The following NAV2 variants were observed in gnomAD, a reference collection of about 807,000 sequenced individuals.
NAV2 encodes neuron navigator 2, also known as helicase, APC down-regulated 1.
Under a neutral mutation model 223.2 loss-of-function variants are expected in NAV2, and 54 were observed. The ratio of observed to expected loss-of-function variants is 0.24; its 90% confidence interval spans 0.19 to 0.30. The LOEUF is 0.30. Ranked by LOEUF, NAV2 falls within the 10% of genes least tolerant of loss-of-function variation. The probability of loss-of-function intolerance (pLI) is 1.00; values close to 1 mark genes in which losing one functional copy is unlikely to be tolerated. For missense variants in NAV2, 2,806 were observed against 3,147.5 expected, an observed-to-expected ratio of 0.89 and a Z score of 2.60; for synonymous variants, 1,279 against 1,239.3, an observed-to-expected ratio of 1.03 and a Z score of -0.67.
intron 1 of NAV2, among the ~76,000 whole-genome samples, chr11:19,535,522 T>A (rs1001016992): frequency 2.0e-5 from 3 of 152,242 alleles, no homozygotes; most frequent in Non-Finnish European, 4.4e-5. Flanking sequence ...CCGGGTGATA[T>A]ACTTTTAATT....
chr11:20,022,298 T>C (rs952457141), intron 11 of NAV2, among the ~76,000 whole-genome samples: 1 of 152,350 alleles, frequency 6.6e-6, no homozygotes, highest in African/African-American at 2.4e-5. Context: ...GATTAGTCCA[T>C]GCAACCCCTT....
chr11:19,814,072 T>C (rs1050637455), intron 1 of NAV2, among the ~76,000 whole-genome samples: 2 of 152,164 alleles, frequency 1.3e-5, no homozygotes, highest in African/African-American at 2.4e-5. Flanking sequence ...GGGTGAGGGC[T>C]GGGTGGTGTA....
Position 20,068,408 on chromosome 11 carries a change from G to A in NAV2, c.4983+10G>A, listed in dbSNP as rs2059183862. 6.2e-7 allele frequency: 1 copy of A among 1,608,402 alleles called. No homozygotes were observed. Among genetic ancestry groups the A allele is most frequent in the Non-Finnish European group, 8.5e-7 (1 of 1,175,042 alleles). ...CCAGCTGACAGCAAATGTAAGTACAGACATAGGGCAGTAGCATCGGGACAG... is the reference window on the plus strand; with the variant it reads ...CCAGCTGACAGCAAATGTAAGTACAAACATAGGGCAGTAGCATCGGGACAG... On this transcript the variant is annotated intron_variant, in intron 22 of 37. Transcript: ENST00000349880.
rs558940894 is a variant in NAV2 at position 19,837,559 on chromosome 11, G to C, written c.385+4958G>C. Among the ~76,000 whole-genome samples the C allele has an allele frequency of 1.9e-4, 29 of 152,268 alleles. 1 individual carries two copies. The South Asian group carries it at 6.0e-3, about 32-fold the overall frequency. On this transcript the variant is annotated intron_variant, in intron 2 of 37. Transcript: ENST00000349880. ...GACAGATGGACGTCATGTGCTTCCT[G>C]AGGTGATACCCTGAGAAGAACACAA...
chr11:19,858,340 T>C (rs755716666), intron 3 of NAV2, among the ~76,000 whole-genome samples: 11 of 152,234 alleles, frequency 7.2e-5, no homozygotes, highest in Non-Finnish European at 1.3e-4. Context: ...TTATTTCACC[T>C]AGCATAATGT....
chr11:19,775,866 CA>C (rs975578184), intron 1 of NAV2, among the ~76,000 whole-genome samples: 4 of 152,124 alleles, frequency 2.6e-5, no homozygotes, highest in Non-Finnish European at 4.4e-5. Context: ...ACTGTTGCTG[CA>C]ACACAGCTGG....
Position 20,077,988 on chromosome 11 carries a change from C to A in NAV2, c.5068-5C>A. ...GGCTGACCAATAATTTTTTCTGTTC[C>A]CTAGGACTCAGAACTGAATGAGTTA... On this transcript the variant is annotated splice_region_variant and splice_polypyrimidine_tract_variant and intron_variant, in intron 23 of 37. Coordinates refer to ENST00000349880, the MANE Select transcript of NAV2 (RefSeq NM_145117.5). 6.2e-7 allele frequency: 1 copy of A among 1,607,180 alleles called. No individual in the cohort carries two copies.
intron 11 of NAV2, among the ~76,000 whole-genome samples, chr11:20,002,351 G>A (rs1051917993): frequency 1.3e-5 from 2 of 152,144 alleles, no homozygotes; most frequent in Non-Finnish European, 2.9e-5. Context: ...GCCTGGAGTG[G>A]AGCCTTTTTC....
intron 1 of NAV2, among the ~76,000 whole-genome samples, chr11:19,783,206 C>T (rs960765762): frequency 4.6e-5 from 7 of 152,124 alleles, no homozygotes; most frequent in Admixed American, 3.9e-4. Context: ...GCATTGTTCC[C>T]GATGTGAAGT....
At chr11:19,576,788 T>C (rs1050269676) in intron 1 of NAV2, among the ~76,000 whole-genome samples, 2 of 152,214 alleles carry the variant, frequency 1.3e-5, no homozygotes, top group Non-Finnish European at 2.9e-5. Context: ...AAGGGAACCC[T>C]GAGCCTTTCT....
intron 1 of NAV2, among the ~76,000 whole-genome samples, chr11:19,757,966 A>C (rs1458172957): frequency 6.6e-6 from 1 of 152,168 alleles, no homozygotes; most frequent in Non-Finnish European, 1.5e-5. Flanking sequence ...CATTACCATC[A>C]TCATTGCCCA....
In NAV2 at chr11:19,713,563, T is replaced by A; in HGVS notation, c.-133T>A. On this transcript the variant is annotated 5_prime_UTR_variant, in exon 1 of 38. Transcript: ENST00000349880. This position sits in a 1 kb window ranked among gnomAD's most constrained non-coding sequence, Gnocchi z 7.2. ...TCGAGTTCCCCGACCTGGGGATTTT[T>A]TTTTTAGCCGCTGGTGGTGGGCGCC... 1.4e-6 allele frequency: 2 copies of A among 1,401,508 alleles called. No homozygotes were observed. The highest frequency in any genetic ancestry group is 1.9e-6 in the Non-Finnish European group (2 of 1,078,010). 86.8% of individuals were successfully genotyped at this position (1,401,508 alleles called of 1,614,324 possible).
At chr11:19,720,028 A>G (rs1313866121) in intron 1 of NAV2, among the ~76,000 whole-genome samples, 1 of 152,204 alleles carries the variant, frequency 6.6e-6, no homozygotes, top group Non-Finnish European at 1.5e-5. Context: ...ATGGTTCCTC[A>G]TTGTTCTGAG....
At chr11:19,519,257 C>T (rs1446178826) in intron 1 of NAV2, among the ~76,000 whole-genome samples, 1 of 151,682 alleles carries the variant, frequency 6.6e-6, no homozygotes, top group Non-Finnish European at 1.5e-5. Flanking sequence ...CCTCTCAGGG[C>T]AGGCTTCCCA....
Position 19,998,993 on chromosome 11 carries a change from C to T in NAV2, c.2768+14746C>T, listed in dbSNP as rs2052256530. 6.6e-6 allele frequency among the ~76,000 whole-genome samples: 1 copy of T among 152,220 alleles called. No homozygotes were observed. The highest frequency in any genetic ancestry group is 2.1e-4 in the South Asian group (1 of 4,826). On this transcript the variant is annotated intron_variant, in intron 11 of 37. Coordinates refer to ENST00000349880, the MANE Select transcript of NAV2 (RefSeq NM_145117.5). This position sits in a 1 kb window ranked among gnomAD's most constrained non-coding sequence, Gnocchi z 5.0. Reference sequence around the variant, plus strand: ...TCCCCTCTCCCAGCACAGGGCCCGTCCAGAGAGGGTGCTTATTACATATAC... The same window carrying T: ...TCCCCTCTCCCAGCACAGGGCCCGTTCAGAGAGGGTGCTTATTACATATAC...
chr11:19,477,939 T>C (rs1325957762), intron 1 of NAV2, among the ~76,000 whole-genome samples: 1 of 152,200 alleles, frequency 6.6e-6, no homozygotes, highest in Non-Finnish European at 1.5e-5. Flanking sequence ...CAAAATACAA[T>C]GCTTTGCCAA....
intron 1 of NAV2, among the ~76,000 whole-genome samples, chr11:19,442,891 T>C (rs887219237): frequency 2.0e-5 from 3 of 152,160 alleles, no homozygotes; most frequent in African/African-American, 7.2e-5. Flanking sequence ...GTTTTTGGTG[T>C]TTTAATTTCA....
intron 11 of NAV2, among the ~76,000 whole-genome samples, chr11:20,011,147 G>C (rs540590253): frequency 6.6e-6 from 1 of 152,246 alleles, no homozygotes; most frequent in East Asian, 1.9e-4. Context: ...TCAGACTCCA[G>C]GTTTTGTAAT....
At chr11:19,762,162 G>C (rs1026415568) in intron 1 of NAV2, among the ~76,000 whole-genome samples, 1 of 152,188 alleles carries the variant, frequency 6.6e-6, no homozygotes, top group Admixed American at 6.5e-5. Context: ...AGAATCACTG[G>C]AACCCGGAAG....
Sources: allele counts gnomAD v4.1 joint callset (sites outside exome capture counted in the v4.1 genomes callset), GRCh38; gene constraint gnomAD v4.1.1; non-coding constraint Gnocchi (gnomAD v3.1); transcripts MANE v1.5; gene names NCBI Gene and HGNC (gene_info 2026-07-23, HGNC 2026-07-21).